Variants in YTHDC2 observed in about 807,000 individuals in gnomAD.
YTHDC2 encodes the protein 3'-5' RNA helicase YTHDC2.
In YTHDC2, 45 loss-of-function variants were observed where a neutral mutation model predicts 174.9. The ratio of observed to expected loss-of-function variants is 0.26; its 90% CI spans 0.20 to 0.33. The LOEUF (loss-of-function observed/expected upper bound fraction) is 0.33, where lower values mean the gene tolerates loss of function less well. YTHDC2 is among the 10% of genes least tolerant of loss of function. YTHDC2 has a pLI of 1.00. For synonymous variants in YTHDC2, 657 were observed against 574.5 expected (o/e 1.14, Z -2.05); for missense variants, 1,650 against 1,723.7 (o/e 0.96, Z 0.76).
At chr5:113,583,303 G>A (rs34158516) in intron 25 of YTHDC2, 17,643 of 151,994 alleles carry the variant, frequency 0.12, 1,150 homozygotes, top group African/African-American at 0.14. Context: ...TTTTAAATAT[G>A]TAAGCCAAAA....
At chr5:113,520,477 T>C (rs773597950) in intron 2 of YTHDC2, among the ~76,000 whole-genome samples, 4 of 152,086 alleles carry the variant, frequency 2.6e-5, no homozygotes, top group Non-Finnish European at 4.4e-5. Context: ...GAATAAAGGA[T>C]TATTGAAAAT....
chr5:113,590,575 G>C (rs1402729519), intron 26 of YTHDC2, among the ~76,000 whole-genome samples: 1 of 152,188 alleles, frequency 6.6e-6, no homozygotes, highest in South Asian at 2.1e-4. Context: ...TTTATGTGCA[G>C]CTCCTTTCTG....
At chr5:113,582,348 G>T (rs1778451762) in intron 25 of YTHDC2, 1 of 152,060 alleles carries the variant, frequency 6.6e-6, no homozygotes, top group Non-Finnish European at 1.5e-5. Flanking sequence ...TTCTTCTTTT[G>T]CAATTAAATG....
chr5:113,563,964 G>A lies in YTHDC2; in HGVS notation c.2548G>A (p.Val850Ile). Residue 850 changes from valine to isoleucine, a missense_variant, in exon 20 of 30, where the codon GTT (valine) becomes ATT (isoleucine). Transcript: ENST00000161863. ...HLGKMVLCAV[V>I]LKCLDPILTI... ...TGGTAAAATGGTCTTGTGTGCTGTT[G>A]TTTTAAAGTGTCTGGACCCCATCCT... 1 of 1,614,150 alleles carries A rather than the reference G, an allele frequency of 6.2e-7. No individual in the cohort carries two copies. Among genetic ancestry groups the A allele is most frequent in the Non-Finnish European group, 8.5e-7 (1 of 1,180,030 alleles).
intron 21 of YTHDC2, among the ~76,000 whole-genome samples, chr5:113,566,314 ATAGT>A (rs1777323441): frequency 6.6e-6 from 1 of 152,140 alleles, no homozygotes; most frequent in African/African-American, 2.4e-5. Flanking sequence ...TTTAGATCTT[ATAGT>A]TATTTTCTTT....
intron 4 of YTHDC2, among the ~76,000 whole-genome samples, chr5:113,530,619 A>T (rs1774590469): frequency 6.6e-6 from 1 of 152,196 alleles, no homozygotes; most frequent in Admixed American, 6.5e-5. Flanking sequence ...ATACATAAAC[A>T]TACATGTACA....
intron 28 of YTHDC2, chr5:113,592,816 A>G (rs1421588048): frequency 1.3e-5 from 2 of 152,558 alleles, no homozygotes; most frequent in Admixed American, 6.5e-5. Context: ...TTTTTATTCT[A>G]TAATAATGAT....
chr5:113,526,189 A>T (rs1207701507), intron 3 of YTHDC2, among the ~76,000 whole-genome samples: 1 of 152,104 alleles, frequency 6.6e-6, no homozygotes, highest in African/African-American at 2.4e-5. Flanking sequence ...CCTACTACAA[A>T]AATTTAATTT....
intron 4 of YTHDC2, among the ~76,000 whole-genome samples, chr5:113,528,296 A>G (rs1254869239): frequency 1.3e-5 from 2 of 152,170 alleles, no homozygotes; most frequent in Non-Finnish European, 2.9e-5. Context: ...TTAAGAAGAA[A>G]CTGTTAATTT....
At position 113,591,106 on chromosome 5, in the gene YTHDC2, T is replaced by C; in HGVS notation, c.3891T>C (p.Asn1297=). 1.9e-6 allele frequency: 3 copies of C among 1,613,976 alleles called. No homozygotes were observed. Among genetic ancestry groups the C allele is most frequent in the Non-Finnish European group, 2.5e-6 (3 of 1,179,900 alleles). Residue 1297 remains asparagine, a synonymous_variant, in exon 27 of 30, where the codon AAT becomes AAC. Transcript: ENST00000161863. Reference sequence around the variant, plus strand: ...GATACTTCATAATGAAGAGTAGCAATTTGAGAAACCTTGAAATTTCTCAAC... The same window carrying C: ...GATACTTCATAATGAAGAGTAGCAACTTGAGAAACCTTGAAATTTCTCAAC... The part of the protein sequence containing the change: ...PVRYFIMKSS[N]LRNLEISQQK...
intron 2 of YTHDC2, among the ~76,000 whole-genome samples, chr5:113,518,232 C>T (rs1773614824): frequency 7.1e-6 from 1 of 140,270 alleles, no homozygotes; most frequent in Admixed American, 7.5e-5. Context: ...CTTGCTCTGT[C>T]ACCCAGGCTT....
rs192059371 is a variant in YTHDC2 at position 113,560,464 on chromosome 5, T to G, written c.2217-616T>G. Among the ~76,000 whole-genome samples the G allele has an allele frequency of 9.8e-5, 15 of 152,342 alleles. No homozygotes were observed. In the East Asian group the frequency reaches 2.5e-3, roughly 26 times the overall value. On this transcript the variant is annotated intron_variant, in intron 17 of 29. Transcript: ENST00000161863. ...ATGTCAGATTTTATAGCTCTTATAA[T>G]GTGTTATAGTGATGATTGCCTATCT...
At chr5:113,555,178 T>C (rs1776516921) in intron 16 of YTHDC2, among the ~76,000 whole-genome samples, 1 of 152,012 alleles carries the variant, frequency 6.6e-6, no homozygotes, top group South Asian at 2.1e-4. Flanking sequence ...GTTTTGAATA[T>C]TTTAGAAAGT....
At chr5:113,517,830 A>G (rs1412549802) in intron 2 of YTHDC2, among the ~76,000 whole-genome samples, 10 of 152,160 alleles carry the variant, frequency 6.6e-5, no homozygotes, top group African/African-American at 2.2e-4. Flanking sequence ...TTTCATTTGT[A>G]TGAGAATTTG....
intron 23 of YTHDC2, among the ~76,000 whole-genome samples, chr5:113,573,825 G>A (rs1777876709): frequency 6.6e-6 from 1 of 152,112 alleles, no homozygotes; most frequent in Non-Finnish European, 1.5e-5. Context: ...CGTTAGGTCG[G>A]TTATGTTCTT....
At chr5:113,517,190 G>A (rs1406793215) in intron 2 of YTHDC2, among the ~76,000 whole-genome samples, 1 of 152,122 alleles carries the variant, frequency 6.6e-6, no homozygotes, top group East Asian at 1.9e-4. Flanking sequence ...TATTCACACT[G>A]AGACTATTAA....
intron 6 of YTHDC2, 131 bp downstream of exon 6, chr5:113,534,538 C>A (rs10040203): frequency 6.7e-6 from 4 of 598,928 alleles, no homozygotes; most frequent in African/African-American, 5.5e-5. Flanking sequence ...AAAAGAGAAC[C>A]AACTTATTCT....
intron 26 of YTHDC2, among the ~76,000 whole-genome samples, chr5:113,590,466 C>G (rs567091186): frequency 6.6e-6 from 1 of 152,280 alleles, no homozygotes; most frequent in South Asian, 2.1e-4. Context: ...TTGGATCTTT[C>G]CCTAGCCTTG....
At chr5:113,537,073 T>A (rs1038389236) in intron 7 of YTHDC2, among the ~76,000 whole-genome samples, 2 of 152,196 alleles carry the variant, frequency 1.3e-5, no homozygotes, top group Admixed American at 1.3e-4. Context: ...CCAACAATGT[T>A]ATAATGAACA....
Sources: gnomAD v4.1 joint callset for allele counts (sites outside exome capture counted in the v4.1 genomes callset) on GRCh38, gnomAD v4.1.1 for gene constraint, MANE v1.5 for transcripts, NCBI Gene and HGNC (gene_info 2026-07-23, HGNC 2026-07-21) for gene names.